CBLN3: variants seen among roughly 807,000 people sequenced by gnomAD.
The protein encoded by CBLN3 is cerebellin 3 precursor.
In CBLN3, 14 loss-of-function variants were observed where a neutral mutation model predicts 17.4. That is an observed-to-expected ratio of 0.81 (90% CI 0.53 to 1.26). The LOEUF (loss-of-function observed/expected upper bound fraction) is 1.26, where lower values mean the gene tolerates loss of function less well. Among genes scored for constraint, CBLN3 ranks in the 50% most tolerant of loss-of-function variants. CBLN3 has a pLI of 0.00. For synonymous variants in CBLN3, 129 were observed against 117.4 expected (o/e 1.10, Z -0.64); for missense variants, 263 against 268.5 (o/e 0.98, Z 0.14).
intron 2 of CBLN3, 131 bp downstream of exon 2, chr14:24,428,155 G>A: frequency 1.4e-6 from 2 of 1,381,690 alleles, no homozygotes; most frequent in East Asian, 2.3e-5. Context: ...TGCAAGGCAG[G>A]CCCATTCCTC....
chr14:24,426,851 G>C lies in CBLN3; in HGVS notation c.*938C>G, dbSNP rs1176000446. ...GCACAGATCAGGAGAAAGAGAGATA[G>C]TGGGGATATGCTGGAACAGGTACAG... is the stretch of plus-strand genomic sequence containing the variant. On this transcript the variant is annotated 3_prime_UTR_variant, in exon 3 of 3. Coordinates refer to ENST00000267406, the MANE Select transcript of CBLN3 (RefSeq NM_001039771.3). 3 of 152,410 alleles carry C rather than the reference G, an allele frequency of 2.0e-5. No individual in the cohort carries two copies. The highest frequency in any genetic ancestry group is 4.4e-5 in the Non-Finnish European group (3 of 68,150). 9.4% of individuals were successfully genotyped at this position (152,410 alleles called of 1,614,324 possible).
rs377112148 is a variant in CBLN3 at position 24,428,410 on chromosome 14, G to A, written c.301-5C>T. Reference sequence around the variant, plus strand: ...ACCGCCCTCGTTCACCAGGACCTGGGGGAAGCAGAGCCTGCTGAGTGGGGC... The same window carrying A: ...ACCGCCCTCGTTCACCAGGACCTGGAGGAAGCAGAGCCTGCTGAGTGGGGC... On this transcript the variant is annotated splice_region_variant and splice_polypyrimidine_tract_variant and intron_variant, in intron 1 of 2. Transcript: ENST00000267406. 6.2e-6 allele frequency: 10 copies of A among 1,613,616 alleles called. No individual in the cohort carries two copies. Among genetic ancestry groups the A allele is most frequent in the African/African-American group, 5.3e-5 (4 of 74,922 alleles).
In CBLN3 at chr14:24,428,351, G is replaced by T. The variant is rs766511854; in HGVS notation, c.355C>A (p.Pro119Thr). 1 of 1,613,912 alleles carries T rather than the reference G, an allele frequency of 6.2e-7. No homozygotes were observed. The highest frequency in any genetic ancestry group is 8.5e-7 in the Non-Finnish European group (1 of 1,179,894). ...CGGAAGCTGTAGACACCCCGGACAGGGGCTACGAAGGAGCCAGAGGCCCGG... is the reference window on the plus strand; with the variant it reads ...CGGAAGCTGTAGACACCCCGGACAGTGGCTACGAAGGAGCCAGAGGCCCGG... ...FDRASGSFVA[P>T]VRGVYSFRFH... Residue 119 changes from proline (P) to threonine (T), a missense_variant, in exon 2 of 3, where the codon CCT (proline) becomes ACT (threonine). Pro to Thr is a conservative substitution (Grantham distance 38). Coordinates refer to ENST00000267406, the MANE Select transcript of CBLN3 (RefSeq NM_001039771.3).
In CBLN3 at chr14:24,427,550, G is replaced by C; in HGVS notation, c.*239C>G. On this transcript the variant is annotated 3_prime_UTR_variant, in exon 3 of 3. Transcript: ENST00000267406. The surrounding 1 kb of genome is among the most constrained non-coding windows in gnomAD (Gnocchi z 4.4). ...GCCCTGATCCTAGGGCTGCAGGCAGGAACAGATGCAGCAGGTGGCTGGGAG... is the reference window on the plus strand; with the variant it reads ...GCCCTGATCCTAGGGCTGCAGGCAGCAACAGATGCAGCAGGTGGCTGGGAG... 2.0e-6 allele frequency: 1 copy of C among 502,236 alleles called. No homozygotes were observed. The highest frequency in any genetic ancestry group is 3.4e-6 in the Non-Finnish European group (1 of 292,844). The allele number at this position is 502,236 out of a possible 1,614,324, so 31.1% of individuals were successfully genotyped here. A position where few individuals can be genotyped will look rare whatever the true frequency, so the allele number is the denominator to read the frequency against.
At position 24,429,503 on chromosome 14, in the gene CBLN3, A is replaced by G. The variant is rs1423893525; in HGVS notation, c.-449T>C. 1.7e-5 allele frequency: 8 copies of G among 459,650 alleles called. No individual in the cohort carries two copies. Among genetic ancestry groups the G allele is most frequent in the South Asian group, 1.1e-4 (7 of 62,532 alleles). The allele number at this position is 459,650 out of a possible 1,614,324, so 28.5% of individuals were successfully genotyped here. On this transcript the variant is annotated 5_prime_UTR_variant, in exon 1 of 3. Transcript: ENST00000267406. Reference sequence around the variant, plus strand: ...TTCCTCCTACTCTTCCTCTCTTCAAAATCCCCCACAAATCAACAGCCCTTC... The same window carrying G: ...TTCCTCCTACTCTTCCTCTCTTCAAGATCCCCCACAAATCAACAGCCCTTC...
In CBLN3 at chr14:24,427,707, C is replaced by T; in HGVS notation, c.*82G>A. The T allele has an allele frequency of 7.6e-7, 1 of 1,310,796 alleles. No homozygotes were observed. 81.2% of individuals were successfully genotyped at this position (1,310,796 alleles called of 1,614,324 possible). Reference sequence around the variant, plus strand: ...ATAGGAGCCAGAGGGAGTCTCTCTCCTGCCTCTGCTGTTTCTGGGGCAAGA... The same window carrying T: ...ATAGGAGCCAGAGGGAGTCTCTCTCTTGCCTCTGCTGTTTCTGGGGCAAGA... On this transcript the variant is annotated 3_prime_UTR_variant, in exon 3 of 3. Transcript: ENST00000267406. The surrounding 1 kb of genome is among the most constrained non-coding windows in gnomAD (Gnocchi z 4.4).
In CBLN3 at chr14:24,429,390, G is replaced by C; in HGVS notation, c.-336C>G. 1 of 595,650 alleles carries C rather than the reference G, an allele frequency of 1.7e-6. No individual in the cohort carries two copies. Among genetic ancestry groups the C allele is most frequent in the Non-Finnish European group, 3.2e-6 (1 of 316,948 alleles). The allele number at this position is 595,650 out of a possible 1,614,324, so 36.9% of individuals were successfully genotyped here. On this transcript the variant is annotated 5_prime_UTR_variant, in exon 1 of 3. Transcript: ENST00000267406. ...TGGGACAGCACTGAGGGCTGGACCT[G>C]GGGGGATGGAGAACATGGTATGTGT...
At chr14:24,428,447 C>T (rs1462435104) in intron 1 of CBLN3, 42 bp from the exon 2 acceptor site, 6 of 1,610,202 alleles carry the variant, frequency 3.7e-6, no homozygotes, top group Non-Finnish European at 5.1e-6. Context: ...CAGGAAATGC[C>T]CATGGCTCAG....
At chr14:24,428,468 G>C (rs961106655) in intron 1 of CBLN3, 63 bp from the exon 2 acceptor site, 10 of 1,591,794 alleles carry the variant, frequency 6.3e-6, no homozygotes, top group Admixed American at 1.8e-5. Context: ...GGGTACCATG[G>C]GGACTAGGGG....
chr14:24,429,118 C>T lies in CBLN3; in HGVS notation c.-64G>A. 2 of 1,443,908 alleles carry T rather than the reference C, an allele frequency of 1.4e-6. No individual in the cohort carries two copies. The highest frequency in any genetic ancestry group is 1.8e-6 in the Non-Finnish European group (2 of 1,089,802). The allele number at this position is 1,443,908 out of a possible 1,614,324, so 89.4% of individuals were successfully genotyped here. A position where few individuals can be genotyped will look rare whatever the true frequency, so the allele number is the denominator to read the frequency against. ...CTGCCCCTCTTCTGTTTCCGCTCCT[C>T]TCCCTGGATTCTCACCGCCGGCACC... On this transcript the variant is annotated 5_prime_UTR_variant, in exon 1 of 3. Transcript: ENST00000267406.
chr14:24,427,660 G>A lies in CBLN3; in HGVS notation c.*129C>T, dbSNP rs559568517. The A allele has an allele frequency of 2.3e-6, 2 of 854,004 alleles. No homozygotes were observed. Among genetic ancestry groups the A allele is most frequent in the East Asian group, 4.8e-5 (2 of 41,336 alleles). 52.9% of individuals were successfully genotyped at this position (854,004 alleles called of 1,614,324 possible). On this transcript the variant is annotated 3_prime_UTR_variant, in exon 3 of 3. Coordinates refer to ENST00000267406, the MANE Select transcript of CBLN3 (RefSeq NM_001039771.3). This position sits in a 1 kb window ranked among gnomAD's most constrained non-coding sequence, Gnocchi z 4.4. ...CTCTTAAACTTGGGTGTTTGGCACA[G>A]GGTCCCATGCAAAGAGGTGGGATAG...
intron 1 of CBLN3, among the ~76,000 whole-genome samples, 153 bp downstream of exon 1, chr14:24,428,602 G>A (rs544868282): frequency 1.3e-5 from 2 of 151,982 alleles, no homozygotes; most frequent in East Asian, 1.9e-4. Flanking sequence ...AGGGGAAACC[G>A]TCGGTGGGGT....
At position 24,428,878 on chromosome 14, in the gene CBLN3, G is replaced by C; in HGVS notation, c.177C>G (p.Pro59=). The change falls in exon 1 of 3, where the codon CCC becomes CCG. Residue 59 remains proline (P), a synonymous_variant. Transcript: ENST00000267406. The part of the protein sequence containing the change: ...CEPGRAAAGG[P]GGAALGEAPP... Reference sequence around the variant, plus strand: ...GTGCCTCTCCCAGGGCTGCTCCCCCGGGCCCCCCTGCAGCAGCTCGGCCAG... The same window carrying C: ...GTGCCTCTCCCAGGGCTGCTCCCCCCGGCCCCCCTGCAGCAGCTCGGCCAG... 1.2e-6 allele frequency: 2 copies of C among 1,601,976 alleles called. No individual in the cohort carries two copies. The highest frequency in any genetic ancestry group is 1.1e-5 in the South Asian group (1 of 89,700).
chr14:24,428,435 C>T (rs1315125071), intron 1 of CBLN3, 30 bp from the exon 2 acceptor site: 1 of 1,612,212 alleles, frequency 6.2e-7, no homozygotes, highest in Non-Finnish European at 8.5e-7. Flanking sequence ...CTGAGTGGGG[C>T]TCAGGAAATG....
rs1460143471 is a variant in CBLN3 at position 24,429,074 on chromosome 14, C to T, written c.-20G>A. The stretch of plus-strand genomic sequence containing the variant: ...CAACATGGCTGAGGGGCTCTGCAAC[C>T]CACAAGTGCCCCGGTCTTCTGCCCC... On this transcript the variant is annotated 5_prime_UTR_variant, in exon 1 of 3. Transcript: ENST00000267406. The T allele has an allele frequency of 2.0e-6, 3 of 1,470,808 alleles. 1 individual carries two copies. The highest frequency in any genetic ancestry group is 2.7e-5 in the South Asian group (2 of 73,152). 91.1% of individuals were successfully genotyped at this position (1,470,808 alleles called of 1,614,324 possible). A position where few individuals can be genotyped will look rare whatever the true frequency, so the allele number is the denominator to read the frequency against.
Position 24,427,200 on chromosome 14 carries a change from T to A in CBLN3, c.*589A>T, listed in dbSNP as rs999952488. ...TGCAGAATGTGTACCATGTTCAGTCTAGACAATACACCCTCCTTCCTTCCT... is the reference window on the plus strand; with the variant it reads ...TGCAGAATGTGTACCATGTTCAGTCAAGACAATACACCCTCCTTCCTTCCT... On this transcript the variant is annotated 3_prime_UTR_variant, in exon 3 of 3. Transcript: ENST00000267406. This position sits in a 1 kb window ranked among gnomAD's most constrained non-coding sequence, Gnocchi z 4.4. The A allele has an allele frequency of 3.2e-5, 5 of 157,908 alleles. No individual in the cohort carries two copies. The highest frequency in any genetic ancestry group is 1.2e-4 in the African/African-American group (5 of 41,462). 9.8% of individuals were successfully genotyped at this position (157,908 alleles called of 1,614,324 possible).
chr14:24,427,959 C>T lies in CBLN3; in HGVS notation c.448G>A (p.Val150Ile). ...GGATCATTGGCAAAGGCTGAGATGA[C>T]AGGCCACGTGTTCAGCATCAGGCTC... is the stretch of plus-strand genomic sequence containing the variant. ...QVSLMLNTWP[V>I]ISAFANDPDV... Residue 150 changes from valine (V) to isoleucine (I), a missense_variant, in exon 3 of 3, where the codon GTC becomes ATC. Coordinates refer to ENST00000267406, the MANE Select transcript of CBLN3 (RefSeq NM_001039771.3). This position sits in a 1 kb window ranked among gnomAD's most constrained non-coding sequence, Gnocchi z 4.4. 1 of 1,613,714 alleles carries T rather than the reference C, an allele frequency of 6.2e-7. No homozygotes were observed. Among genetic ancestry groups the T allele is most frequent in the Non-Finnish European group, 8.5e-7 (1 of 1,179,840 alleles).
rs184552844 is a variant in CBLN3 at position 24,427,683 on chromosome 14, T to C, written c.*106A>G. 271 of 1,014,654 alleles carry C rather than the reference T, an allele frequency of 2.7e-4. 1 individual carries two copies. The African/African-American group carries it at 3.7e-3, about 14-fold the overall frequency. The allele number at this position is 1,014,654 out of a possible 1,614,324, so 62.9% of individuals were successfully genotyped here. ...CAGGGTCCCATGCAAAGAGGTGGGA[T>C]AGGAGCCAGAGGGAGTCTCTCTCCT... On this transcript the variant is annotated 3_prime_UTR_variant, in exon 3 of 3. Coordinates refer to ENST00000267406, the MANE Select transcript of CBLN3 (RefSeq NM_001039771.3). This position sits in a 1 kb window ranked among gnomAD's most constrained non-coding sequence, Gnocchi z 4.4.
chr14:24,429,130 T>A lies in CBLN3; in HGVS notation c.-76A>T. The A allele has an allele frequency of 7.0e-7, 1 of 1,421,426 alleles. No homozygotes were observed. Among genetic ancestry groups the A allele is most frequent in the Non-Finnish European group, 9.3e-7 (1 of 1,070,030 alleles). The allele number at this position is 1,421,426 out of a possible 1,614,324, so 88.1% of individuals were successfully genotyped here. On this transcript the variant is annotated 5_prime_UTR_variant, in exon 1 of 3. The change abolishes the stop of an existing upstream ORF in the 5' untranslated region. Transcript: ENST00000267406. ...TGTTTCCGCTCCTCTCCCTGGATTC[T>A]CACCGCCGGCACCCTGATCGTCTGC...
Sources: allele counts gnomAD v4.1 joint callset (sites outside exome capture counted in the v4.1 genomes callset), GRCh38; gene constraint gnomAD v4.1.1; non-coding constraint Gnocchi (gnomAD v3.1); transcripts MANE v1.5; gene names NCBI Gene and HGNC (gene_info 2026-07-23, HGNC 2026-07-21).